TSEN2: variants seen among roughly 807,000 people sequenced by gnomAD.
The protein encoded by TSEN2 is tRNA splicing endonuclease subunit 2, also known as tRNA-splicing endonuclease subunit Sen2.
Under a neutral mutation model 59.2 loss-of-function variants are expected in TSEN2, and 54 were observed. That is an observed-to-expected ratio of 0.91 (90% CI 0.73 to 1.14). The LOEUF is 1.14. TSEN2 is among the 50% of genes most tolerant of loss of function. The pLI, the probability that TSEN2 is intolerant of heterozygous loss-of-function variation, is 0.00. For missense variants in TSEN2, 636 were observed against 576.2 expected (o/e 1.10, Z -1.06); for synonymous variants, 195 against 198.2 (o/e 0.98, Z 0.14).
At chr3:12,481,541 G>T (rs2052194061), upstream of TSEN2, among the ~76,000 whole-genome samples, 1 of 152,060 alleles carries the variant, frequency 6.6e-6, no homozygotes, top group African/African-American at 2.4e-5. Context: ...GTTTAAAATG[G>T]CCCCAAGTGG....
upstream of TSEN2, among the ~76,000 whole-genome samples, chr3:12,482,466 T>C (rs537114863): frequency 2.6e-5 from 4 of 152,380 alleles, no homozygotes; most frequent in South Asian, 6.2e-4. Context: ...TTGTGTTGTA[T>C]GTTTGAAAAT....
intron 1 of TSEN2, among the ~76,000 whole-genome samples, chr3:12,487,453 TGAGA>T (rs1388038710): frequency 6.6e-6 from 1 of 152,222 alleles, no homozygotes; most frequent in Non-Finnish European, 1.5e-5. Context: ...TCTTATTTGT[TGAGA>T]GAATTTATTA....
At chr3:12,518,347 G>A (rs1231875880) in intron 7 of TSEN2, among the ~76,000 whole-genome samples, 1 of 152,118 alleles carries the variant, frequency 6.6e-6, no homozygotes, top group East Asian at 1.9e-4. Flanking sequence ...ACTCACTAAG[G>A]GTCTGTGAAA....
In TSEN2 at chr3:12,503,369, C is replaced by G; in HGVS notation, c.416C>G (p.Pro139Arg). The G allele has an allele frequency of 1.2e-6, 2 of 1,614,192 alleles. No individual in the cohort carries two copies. Among genetic ancestry groups the G allele is most frequent in the Middle Eastern group, 3.3e-4 (2 of 6,062 alleles). The stretch of plus-strand genomic sequence containing the variant: ...GATTACACGAAACCGCTTGAGCATC[C>G]TCCTGTGAAAAGGAATGAAGAGGCT... ...LKDYTKPLEH[P>R]PVKRNEEAQV... The change falls in exon 5 of 12, where the codon CCT becomes CGT. Residue 139 changes from proline to arginine, a missense_variant. Pro to Arg is a moderately radical substitution (Grantham distance 103). Transcript: ENST00000284995.
At chr3:12,492,291 C>T in intron 3 of TSEN2, 74 bp downstream of exon 3, 2 of 1,321,052 alleles carry the variant, frequency 1.5e-6, no homozygotes, top group Non-Finnish European at 2.2e-6. Flanking sequence ...ATATCTCAGG[C>T]TATATAGTAA....
At chr3:12,499,808 A>G (rs1375505212) in intron 4 of TSEN2, among the ~76,000 whole-genome samples, 1 of 152,054 alleles carries the variant, frequency 6.6e-6, no homozygotes, top group Non-Finnish European at 1.5e-5. Flanking sequence ...CATCTTCCAC[A>G]ATTGGAAGAA....
upstream of TSEN2, among the ~76,000 whole-genome samples, chr3:12,483,054 C>G (rs1025927494): frequency 7.2e-5 from 11 of 152,240 alleles, no homozygotes; most frequent in South Asian, 2.1e-4. Flanking sequence ...TGATCTCACT[C>G]TACCAAGAGC....
At chr3:12,533,809 T>C (rs1229674519), downstream of TSEN2, 2 of 152,086 alleles carry the variant, frequency 1.3e-5, no homozygotes, top group Non-Finnish European at 2.9e-5. Context: ...ATGATATTGC[T>C]GCAAACCCTT....
downstream of TSEN2, among the ~76,000 whole-genome samples, chr3:12,534,157 C>T (rs758327269): frequency 1.3e-5 from 2 of 152,142 alleles, no homozygotes; most frequent in South Asian, 2.1e-4. Context: ...CCCACCACAT[C>T]GGGCAGGGCC....
At chr3:12,499,916 CTGCTG>C (rs1241814964) in intron 4 of TSEN2, among the ~76,000 whole-genome samples, 2 of 152,188 alleles carry the variant, frequency 1.3e-5, no homozygotes, top group African/African-American at 4.8e-5. Flanking sequence ...CTAAACCACT[CTGCTG>C]TGCACTTCCA....
At chr3:12,487,939 A>T (rs892928527) in intron 1 of TSEN2, among the ~76,000 whole-genome samples, 5 of 151,866 alleles carry the variant, frequency 3.3e-5, no homozygotes, top group Admixed American at 6.6e-5. Context: ...TGCTGCTTAG[A>T]ACAATGGCAA....
At chr3:12,511,585 G>A (rs1464192769) in intron 6 of TSEN2, among the ~76,000 whole-genome samples, 1 of 79,302 alleles carries the variant, frequency 1.3e-5, no homozygotes, top group Non-Finnish European at 2.6e-5. Flanking sequence ...TTTTTTTTTT[G>A]AGGCAGGGTC....
chr3:12,485,574 T>C (rs2052533171), intron 1 of TSEN2, among the ~76,000 whole-genome samples: 1 of 152,192 alleles, frequency 6.6e-6, no homozygotes, highest in Non-Finnish European at 1.5e-5. Context: ...GTTAGCTATA[T>C]GTTAAAATCA....
At chr3:12,516,446 ATGTGTGTGTGTGTG>A (rs68107346) in intron 6 of TSEN2, among the ~76,000 whole-genome samples, 151 bp from the exon 7 acceptor site, 37 of 126,556 alleles carry the variant, frequency 2.9e-4, no homozygotes, top group South Asian at 7.0e-4. Flanking sequence ...AACAAAATAT[ATGTGTGTGTGTGTG>A]TGTGTGTGTG....
At chr3:12,483,204 C>G (rs2052262554), upstream of TSEN2, among the ~76,000 whole-genome samples, 1 of 152,144 alleles carries the variant, frequency 6.6e-6, no homozygotes, top group Admixed American at 6.5e-5. Context: ...GGTGAAACCC[C>G]GTTTCTACTA....
At position 12,516,446 on chromosome 3, in the gene TSEN2, ATGTG is replaced by A. The variant is rs68107346; in HGVS notation, c.910-126_910-123del. 0.36 allele frequency among the ~76,000 whole-genome samples: 44,622 copies of A among 125,662 alleles called. 8,278 individuals are homozygous for A. The highest frequency in any genetic ancestry group is 0.66 in the East Asian group (3,170 of 4,790). The allele number at this position is 125,662 out of a possible 152,430, so 82.4% of individuals were successfully genotyped here. On this transcript the variant is annotated intron_variant, in intron 6 of 11. Transcript: ENST00000284995. ...TTTCAAAAACAAACAAACAAAATAT[ATGTG>A]TGTGTGTGTGTGTGTGTGTGTGTGT...
intron 6 of TSEN2, among the ~76,000 whole-genome samples, chr3:12,507,682 A>C (rs970542308): frequency 6.6e-6 from 1 of 152,172 alleles, no homozygotes; most frequent in Non-Finnish European, 1.5e-5. Context: ...TTTGGTCTTA[A>C]AGATAGCCCA....
At chr3:12,518,265 GT>G (rs1231761183) in intron 7 of TSEN2, among the ~76,000 whole-genome samples, 2 of 152,186 alleles carry the variant, frequency 1.3e-5, no homozygotes, top group Non-Finnish European at 2.9e-5. Context: ...ATGGAGGTTT[GT>G]TTGTTTGTTT....
At chr3:12,534,552 C>G (rs1478275323), downstream of TSEN2, among the ~76,000 whole-genome samples, 1 of 152,080 alleles carries the variant, frequency 6.6e-6, no homozygotes, top group Non-Finnish European at 1.5e-5. Context: ...ACTGTAATCC[C>G]AGCACTTTGG....
Sources: allele counts gnomAD v4.1 joint callset (sites outside exome capture counted in the v4.1 genomes callset), GRCh38; gene constraint gnomAD v4.1.1; transcripts MANE v1.5; gene names NCBI Gene and HGNC (gene_info 2026-07-23, HGNC 2026-07-21).